Variants in GPC6 observed in about 807,000 individuals in gnomAD.
GPC6 encodes the protein glypican-6.
GPC6 carries 14 observed loss-of-function variants against 55.2 expected under a neutral mutation model. The observed-to-expected ratio is 0.25, with a 90% CI of 0.17 to 0.40. GPC6 has a LOEUF of 0.40. Among genes scored for constraint, GPC6 ranks in the 10% least tolerant of loss-of-function variants. GPC6 has a pLI of 1.00. For synonymous variants in GPC6, 278 were observed against 259.6 expected, an observed-to-expected ratio of 1.07 and a Z score of -0.68; for missense variants, 641 against 708.5, an observed-to-expected ratio of 0.90 and a Z score of 1.08.
At chr13:94,373,357 A>C (rs1441478202) in intron 6 of GPC6, among the ~76,000 whole-genome samples, 1 of 152,036 alleles carries the variant, frequency 6.6e-6, no homozygotes, top group Non-Finnish European at 1.5e-5. Context: ...ACCAATACAG[A>C]GAAGTGCTTA....
chr13:93,809,160 C>T lies in GPC6; in HGVS notation c.320-20994C>T, dbSNP rs117267677. Among the ~76,000 whole-genome samples, 13 of 152,276 alleles carry T rather than the reference C, an allele frequency of 8.5e-5. No individual in the cohort carries two copies. The East Asian group carries it at 2.3e-3, about 27-fold the overall frequency. On this transcript the variant is annotated intron_variant, in intron 2 of 8. Transcript: ENST00000377047. Reference sequence around the variant, plus strand: ...AACTACCTGGCAAATACGCCTCTCCCTTCTTTCCACTCCTCAGATCTAAAC... The same window carrying T: ...AACTACCTGGCAAATACGCCTCTCCTTTCTTTCCACTCCTCAGATCTAAAC...
Position 94,382,431 on chromosome 13 carries a change from G to T in GPC6, c.1170G>T (p.Glu390Asp). Residue 390 changes from glutamate (E) to aspartate (D), a missense_variant, in exon 7 of 9, where the codon GAG becomes GAT. Coordinates refer to ENST00000377047, the MANE Select transcript of GPC6 (RefSeq NM_005708.5). ...SLDRLVTDIKEKLKLSKKVWS... is the reference protein window; with the variant it reads ...SLDRLVTDIKDKLKLSKKVWS... ...TTGATCAGGTCACAGACATAAAAGAGAAATTGAAGCTCTCTAAAAAGGTCT... is the reference window on the plus strand; with the variant it reads ...TTGATCAGGTCACAGACATAAAAGATAAATTGAAGCTCTCTAAAAAGGTCT... 4 of 1,614,110 alleles carry T rather than the reference G, an allele frequency of 2.5e-6. No homozygotes were observed. The highest frequency in any genetic ancestry group is 3.4e-6 in the Non-Finnish European group (4 of 1,179,986).
At chr13:93,332,197 T>C (rs1879873748) in intron 1 of GPC6, among the ~76,000 whole-genome samples, 1 of 152,094 alleles carries the variant, frequency 6.6e-6, no homozygotes, top group African/African-American at 2.4e-5. Flanking sequence ...AACAGGTGGA[T>C]TTCCTTTCTT....
At chr13:93,361,778 A>T (rs1183371101) in intron 1 of GPC6, among the ~76,000 whole-genome samples, 1 of 152,208 alleles carries the variant, frequency 6.6e-6, no homozygotes, top group Non-Finnish European at 1.5e-5. Flanking sequence ...AGTAGTGGTT[A>T]GGCAGAAAAA....
intron 6 of GPC6, among the ~76,000 whole-genome samples, chr13:94,334,614 G>A (rs1008795228): frequency 7.2e-5 from 11 of 152,136 alleles, no homozygotes; most frequent in African/African-American, 2.2e-4. Context: ...CCAGACCTAC[G>A]GAAACTGAAA....
At chr13:94,401,284 C>T (rs1566761751) in intron 8 of GPC6, among the ~76,000 whole-genome samples, 1 of 152,186 alleles carries the variant, frequency 6.6e-6, no homozygotes, top group African/African-American at 2.4e-5. Context: ...CCTCAGTTAA[C>T]ATTCTTGAGA....
At chr13:93,317,383 G>C (rs1014536200) in intron 1 of GPC6, among the ~76,000 whole-genome samples, 14 of 152,098 alleles carry the variant, frequency 9.2e-5, no homozygotes, top group African/African-American at 3.4e-4. Flanking sequence ...AGCTCTGCTT[G>C]TATTAGTTGG....
intron 3 of GPC6, among the ~76,000 whole-genome samples, chr13:93,996,319 G>T (rs755149618): frequency 6.6e-6 from 1 of 152,166 alleles, no homozygotes. Flanking sequence ...GCTTCTGATC[G>T]TTTCAGCTAC....
chr13:93,641,874 C>G (rs1372529959), intron 2 of GPC6, among the ~76,000 whole-genome samples: 2 of 152,076 alleles, frequency 1.3e-5, no homozygotes, highest in Admixed American at 1.3e-4. Context: ...AGAAATAAAG[C>G]AATACATGCC....
intron 2 of GPC6, among the ~76,000 whole-genome samples, chr13:93,665,386 G>A (rs1881091279): frequency 1.3e-5 from 2 of 152,124 alleles, no homozygotes; most frequent in Admixed American, 1.3e-4. Flanking sequence ...TAAGTGTGTG[G>A]AGGTTTTCTA....
intron 2 of GPC6, among the ~76,000 whole-genome samples, chr13:93,601,169 AC>A (rs1878000877): frequency 6.6e-6 from 1 of 151,794 alleles, no homozygotes; most frequent in Admixed American, 6.6e-5. Context: ...CAGGCAGATC[AC>A]TTAAGGTCAG....
intron 2 of GPC6, among the ~76,000 whole-genome samples, chr13:93,700,662 A>C (rs887115155): frequency 6.6e-6 from 1 of 152,130 alleles, no homozygotes; most frequent in African/African-American, 2.4e-5. Flanking sequence ...TTGTCCTTGT[A>C]GTCTGCATAC....
Position 93,760,235 on chromosome 13 carries a change from A to G in GPC6, c.320-69919A>G, listed in dbSNP as rs1299519083. On this transcript the variant is annotated intron_variant, in intron 2 of 8. Coordinates refer to ENST00000377047, the MANE Select transcript of GPC6 (RefSeq NM_005708.5). Reference sequence around the variant, plus strand: ...ATAGTCCAGTGCAAGACAGCCAGCAATGGCACCAAGCCACTGAATGCAAGG... The same window carrying G: ...ATAGTCCAGTGCAAGACAGCCAGCAGTGGCACCAAGCCACTGAATGCAAGG... 3.3e-5 allele frequency among the ~76,000 whole-genome samples: 5 copies of G among 152,210 alleles called. No individual in the cohort carries two copies. The East Asian group carries it at 9.6e-4, about 29-fold the overall frequency.
rs531870415 is a variant in GPC6 at position 93,909,939 on chromosome 13, C to G, written c.711+79394C>G. The stretch of plus-strand genomic sequence containing the variant: ...AACAACGTAGATTCCTCCACCTCCC[C>G]GCTCCTACCCACCCCAGGGCCAGGG... On this transcript the variant is annotated intron_variant, in intron 3 of 8. Coordinates refer to ENST00000377047, the MANE Select transcript of GPC6 (RefSeq NM_005708.5). Among the ~76,000 whole-genome samples, 4 of 152,200 alleles carry G rather than the reference C, an allele frequency of 2.6e-5. No individual in the cohort carries two copies. In the East Asian group the frequency reaches 7.7e-4, roughly 29 times the overall value.
chr13:93,931,968 C>G (rs1878201647), intron 3 of GPC6, among the ~76,000 whole-genome samples: 1 of 152,092 alleles, frequency 6.6e-6, no homozygotes, highest in Non-Finnish European at 1.5e-5. Flanking sequence ...GGACTTGGAG[C>G]TACAGCTGTC....
intron 1 of GPC6, among the ~76,000 whole-genome samples, chr13:93,348,504 A>G (rs910507045): frequency 2.0e-5 from 3 of 152,150 alleles, no homozygotes; most frequent in Non-Finnish European, 2.9e-5. Flanking sequence ...GATGAAGAGG[A>G]TGAGGTTAAT....
At chr13:93,445,552 C>G (rs12867723) in intron 1 of GPC6, among the ~76,000 whole-genome samples, 7,667 of 152,310 alleles carry the variant, frequency 0.05, 283 homozygotes, top group Non-Finnish European at 0.076. Context: ...CAACTCTTCA[C>G]TGTCTTCTTC....
chr13:93,248,561 C>G (rs1043604880), intron 1 of GPC6, among the ~76,000 whole-genome samples: 1 of 151,784 alleles, frequency 6.6e-6, no homozygotes, highest in African/African-American at 2.4e-5. Flanking sequence ...TATCTTCATT[C>G]AGGGTGACAA....
chr13:93,770,246 G>T (rs1885249636), intron 2 of GPC6, among the ~76,000 whole-genome samples: 2 of 152,054 alleles, frequency 1.3e-5, no homozygotes, highest in Admixed American at 1.3e-4. Flanking sequence ...TACATATAAT[G>T]AGAGCAACAA....
Sources: gnomAD v4.1 joint callset for allele counts (sites outside exome capture counted in the v4.1 genomes callset) on GRCh38, gnomAD v4.1.1 for gene constraint, MANE v1.5 for transcripts, NCBI Gene and HGNC (gene_info 2026-07-23, HGNC 2026-07-21) for gene names.